DNASE1: variants seen among roughly 807,000 people sequenced by gnomAD.
The protein encoded by DNASE1 is deoxyribonuclease-1.
In DNASE1, 40 loss-of-function variants were observed where a neutral mutation model predicts 33.9. The observed-to-expected ratio is 1.18, with a 90% CI of 0.92 to 1.54. DNASE1 has a LOEUF of 1.54. Ranked by LOEUF, DNASE1 falls within the 40% of genes most tolerant of loss-of-function variation. The pLI, the probability that DNASE1 is intolerant of heterozygous loss-of-function variation, is 0.00. For missense variants in DNASE1, 518 were observed against 372.6 expected (o/e 1.39, Z -3.21); for synonymous variants, 216 against 160.0 (o/e 1.35, Z -2.64).
At chr16:3,611,815 A>C (rs969813497) in exon 1 of DNASE1, 3 of 152,200 alleles carry the variant, frequency 2.0e-5, no homozygotes, top group Non-Finnish European at 4.4e-5. Context: ...AGAAAGAGTT[A>C]GGGCGAGTTT....
downstream of DNASE1, chr16:3,658,982 T>TTAAA (rs2042899176): frequency 9.1e-6 from 9 of 986,196 alleles, no homozygotes; most frequent in South Asian, 1.4e-4. Flanking sequence ...CTGTAGTTTT[T>TTAAA]TAAATAAGGT....
upstream of DNASE1, chr16:3,640,778 TGG>T (rs2042006532): frequency 2.5e-6 from 1 of 398,476 alleles, no homozygotes; most frequent in South Asian, 1.3e-4. Context: ...AGCGCCAGCC[TGG>T]GTAGTGGCCT....
intron 1 of DNASE1, among the ~76,000 whole-genome samples, chr16:3,622,233 C>G (rs1359830296): frequency 7.4e-6 from 1 of 135,032 alleles, no homozygotes; most frequent in African/African-American, 2.7e-5. Context: ...AAAAAAAAAA[C>G]GGAGGCTGAA....
At chr16:3,617,198 C>T (rs533672939) in intron 1 of DNASE1, among the ~76,000 whole-genome samples, 39 of 151,386 alleles carry the variant, frequency 2.6e-4, no homozygotes, top group South Asian at 2.1e-4. Flanking sequence ...TGGTGGTGTG[C>T]GCCCGTAATC....
downstream of DNASE1, chr16:3,661,355 C>G (rs1313089794): frequency 6.6e-6 from 1 of 151,956 alleles, no homozygotes; most frequent in East Asian, 1.9e-4. Flanking sequence ...CGAGGGAAAT[C>G]TTACGGCTCA....
At chr16:3,642,520 C>T (rs1278339596), upstream of DNASE1, among the ~76,000 whole-genome samples, 3 of 152,040 alleles carry the variant, frequency 2.0e-5, no homozygotes, top group African/African-American at 4.8e-5. Context: ...CTCTGACACA[C>T]CTTTCATCCA....
At chr16:3,662,992 G>A (rs368325859), downstream of DNASE1, 28 of 1,560,476 alleles carry the variant, frequency 1.8e-5, no homozygotes, top group East Asian at 2.4e-5. Context: ...GCGACAGGGA[G>A]CTCAGGCCTG....
intron 1 of DNASE1, among the ~76,000 whole-genome samples, chr16:3,645,694 TCTGCTGC>T (rs534519942): frequency 3.3e-5 from 5 of 152,254 alleles, no homozygotes; most frequent in African/African-American, 9.6e-5. Context: ...GAAGGGGCGG[TCTGCTGC>T]CTGCTGCCTG....
At chr16:3,658,986 A>T, downstream of DNASE1, 1 of 964,964 alleles carries the variant, frequency 1.0e-6, no homozygotes, top group Non-Finnish European at 1.6e-6. Flanking sequence ...AGTTTTTTAA[A>T]TAAGGTATGT....
upstream of DNASE1, chr16:3,654,642 G>GCCTTGTTATC (rs2042478516): frequency 2.3e-5 from 9 of 398,960 alleles, no homozygotes; most frequent in Non-Finnish European, 3.1e-5. Flanking sequence ...GGAACCTTTG[G>GCCTTGTTATC]CCTTGTTATC....
intron 1 of DNASE1, among the ~76,000 whole-genome samples, chr16:3,625,096 TGG>T (rs2041464045): frequency 6.6e-6 from 1 of 151,980 alleles, no homozygotes; most frequent in Non-Finnish European, 1.5e-5. Flanking sequence ...CACCTGAGGT[TGG>T]GAGTTCAAGA....
Position 3,657,907 on chromosome 16 carries a change from C to G in DNASE1, c.803C>G (p.Ala268Gly), listed in dbSNP as rs2042801932. 2 of 1,614,024 alleles carry G rather than the reference C, an allele frequency of 1.2e-6. No homozygotes were observed. The highest frequency in any genetic ancestry group is 1.6e-4 in the Middle Eastern group (1 of 6,062). ...QAAYGLSDQL[A>G]QAISDHYPVE... is the part of the protein sequence containing the mutation. Reference sequence around the variant, plus strand: ...GACCCTGTGCCCACTTGCCTGCAGGCCCAAGCCATCAGTGACCACTATCCA... The same window carrying G: ...GACCCTGTGCCCACTTGCCTGCAGGGCCAAGCCATCAGTGACCACTATCCA... The change falls in exon 9 of 9, where the codon GCC becomes GGC. Residue 268 changes from alanine to glycine, a missense_variant and splice_region_variant. Coordinates refer to ENST00000246949, the MANE Select transcript of DNASE1 (RefSeq NM_005223.4).
chr16:3,614,571 G>C (rs2041033134), intron 1 of DNASE1, among the ~76,000 whole-genome samples: 2 of 152,134 alleles, frequency 1.3e-5, no homozygotes, highest in Admixed American at 1.3e-4. Flanking sequence ...GCCTTTGGGT[G>C]GTCTCTAGTT....
At chr16:3,658,997 T>A, downstream of DNASE1, 1 of 844,846 alleles carries the variant, frequency 1.2e-6, no homozygotes, top group African/African-American at 1.7e-5. Context: ...TAAGGTATGT[T>A]AATGATCATT....
intron 1 of DNASE1, among the ~76,000 whole-genome samples, chr16:3,618,111 A>G (rs2041174671): frequency 6.6e-6 from 1 of 151,626 alleles, no homozygotes; most frequent in African/African-American, 2.4e-5. Flanking sequence ...AAATGGACAT[A>G]GGACTTGAAT....
chr16:3,658,666 C>G (rs1473830293), downstream of DNASE1: 3 of 893,798 alleles, frequency 3.4e-6, no homozygotes, highest in Non-Finnish European at 5.1e-6. Flanking sequence ...AGCAACACTC[C>G]ATCTCAAAAA....
At chr16:3,639,511 G>A (rs989531786), upstream of DNASE1, among the ~76,000 whole-genome samples, 6 of 152,162 alleles carry the variant, frequency 3.9e-5, no homozygotes, top group Admixed American at 1.3e-4. Context: ...CAGCCCAGTC[G>A]ACGTCATCAT....
downstream of DNASE1, chr16:3,658,935 G>T (rs1246695770): frequency 4.9e-5 from 73 of 1,502,416 alleles, no homozygotes; most frequent in Middle Eastern, 3.4e-4. Context: ...CATGTTTTGG[G>T]ATTATCAGGA....
chr16:3,618,651 C>T (rs1252709592), intron 1 of DNASE1, among the ~76,000 whole-genome samples: 1 of 152,152 alleles, frequency 6.6e-6, no homozygotes, highest in Non-Finnish European at 1.5e-5. Context: ...ATCACTTGAA[C>T]CTGGGAGGCA....
Sources: allele counts gnomAD v4.1 joint callset (sites outside exome capture counted in the v4.1 genomes callset), GRCh38; gene constraint gnomAD v4.1.1; transcripts MANE v1.5; gene names NCBI Gene and HGNC (gene_info 2026-07-23, HGNC 2026-07-21).